ASCC3: variants seen among roughly 807,000 people sequenced by gnomAD.
The protein encoded by ASCC3 is ASC-1 complex subunit P200.
A neutral mutation model predicts 256.3 loss-of-function variants in ASCC3; 158 were observed. The observed-to-expected ratio is 0.62, with a 90% CI of 0.54 to 0.70. The LOEUF (loss-of-function observed/expected upper bound fraction) is 0.70. ASCC3 is among the 30% of genes least tolerant of loss of function. ASCC3 has a pLI of 0.00. For missense variants in ASCC3, 2,259 were observed against 2,626.0 expected, an observed-to-expected ratio of 0.86 and a Z score of 3.05; for synonymous variants, 948 against 883.4, an observed-to-expected ratio of 1.07 and a Z score of -1.30.
chr6:100,644,170 C>G (rs2114896937), intron 22 of ASCC3, 41 bp from the exon 23 acceptor site: 3 of 1,318,912 alleles, frequency 2.3e-6, no homozygotes, highest in Non-Finnish European at 3.3e-6. Flanking sequence ...CATATCATAA[C>G]TCAAATAAGG....
At chr6:100,706,256 A>G (rs931050596) in intron 13 of ASCC3, among the ~76,000 whole-genome samples, 4 of 151,524 alleles carry the variant, frequency 2.6e-5, no homozygotes, top group Admixed American at 2.0e-4. Flanking sequence ...CAAATCACCT[A>G]CTTAAAGTTA....
At chr6:100,537,444 T>TG (rs1775214686) in intron 37 of ASCC3, among the ~76,000 whole-genome samples, 1 of 152,114 alleles carries the variant, frequency 6.6e-6, no homozygotes, top group South Asian at 2.1e-4. Context: ...AATTGGATCA[T>TG]GGTACAGAGA....
At position 100,638,772 on chromosome 6, in the gene ASCC3, T is replaced by A. The variant is rs771886079; in HGVS notation, c.3951A>T (p.Ala1317=). ...PLPITALGCK[A]YEALYNFSHF... is the part of the protein sequence containing the mutation. ...GGCTGAAGTTGTACAGGGCTTCATA[T>A]GCTTTACATCCCAAAGCTGTGATTG... Residue 1317 remains alanine, a synonymous_variant, in exon 25 of 42, where the codon GCA becomes GCT. Coordinates refer to ENST00000369162, the MANE Select transcript of ASCC3 (RefSeq NM_006828.4). 1 of 1,614,162 alleles carries A rather than the reference T, an allele frequency of 6.2e-7. No individual in the cohort carries two copies. The highest frequency in any genetic ancestry group is 8.5e-7 in the Non-Finnish European group (1 of 1,179,996).
chr6:100,667,719 T>C (rs1185013683), intron 14 of ASCC3, among the ~76,000 whole-genome samples: 6 of 152,082 alleles, frequency 3.9e-5, no homozygotes, highest in Non-Finnish European at 7.4e-5. Context: ...GAATATACGA[T>C]AAGGTAAACA....
intron 13 of ASCC3, among the ~76,000 whole-genome samples, chr6:100,686,410 A>G (rs1265710495): frequency 1.3e-5 from 2 of 152,134 alleles, no homozygotes; most frequent in Non-Finnish European, 2.9e-5. Context: ...GTGTCCTTTG[A>G]GAGTTTATGC....
At chr6:100,694,759 A>C (rs1778004695) in intron 13 of ASCC3, among the ~76,000 whole-genome samples, 1 of 152,180 alleles carries the variant, frequency 6.6e-6, no homozygotes, top group Non-Finnish European at 1.5e-5. Context: ...TCCACAGAGT[A>C]AATTATAAAA....
chr6:100,654,621 ATGTT>A (rs1775828323), intron 17 of ASCC3, among the ~76,000 whole-genome samples: 1 of 152,102 alleles, frequency 6.6e-6, no homozygotes, highest in South Asian at 2.1e-4. Context: ...ATGCAGTTAT[ATGTT>A]ATAACAGAGC....
chr6:100,534,621 T>C (rs933789213), intron 37 of ASCC3, among the ~76,000 whole-genome samples: 2 of 152,202 alleles, frequency 1.3e-5, no homozygotes, highest in African/African-American at 2.4e-5. Flanking sequence ...GAGATATGCA[T>C]AGTAATTTTG....
At chr6:100,717,491 T>C (rs1018778240) in intron 12 of ASCC3, among the ~76,000 whole-genome samples, 1 of 152,006 alleles carries the variant, frequency 6.6e-6, no homozygotes, top group Non-Finnish European at 1.5e-5. Context: ...AAGCCTATCA[T>C]AAGTACTCTA....
At chr6:100,778,288 A>G (rs2114253193) in intron 8 of ASCC3, among the ~76,000 whole-genome samples, 1 of 152,254 alleles carries the variant, frequency 6.6e-6, no homozygotes, top group Admixed American at 6.5e-5. Flanking sequence ...AAGTCATGGA[A>G]AGGTCAAGGA....
At chr6:100,630,937 TTGA>T (rs1236895607) in intron 26 of ASCC3, among the ~76,000 whole-genome samples, 188 bp downstream of exon 26, 4 of 152,112 alleles carry the variant, frequency 2.6e-5, no homozygotes, top group African/African-American at 9.7e-5. Flanking sequence ...AATGGGAATA[TTGA>T]TATCATTTTA....
At chr6:100,848,973 G>A (rs1224551055) in intron 3 of ASCC3, among the ~76,000 whole-genome samples, 2 of 152,068 alleles carry the variant, frequency 1.3e-5, no homozygotes, top group Non-Finnish European at 2.9e-5. Context: ...AGGTATGGTG[G>A]TGTGCACCTG....
intron 36 of ASCC3, among the ~76,000 whole-genome samples, chr6:100,555,126 T>TAA (rs11454168): frequency 2.7e-5 from 4 of 148,224 alleles, no homozygotes; most frequent in South Asian, 2.1e-4. Context: ...TTGAAAAAAG[T>TAA]AAAAAAAAAA....
At chr6:100,681,725 CAAAAAAA>C (rs10696130) in intron 13 of ASCC3, among the ~76,000 whole-genome samples, 50 of 58,660 alleles carry the variant, frequency 8.5e-4, no homozygotes, top group Middle Eastern at 0.017. Context: ...GACTCCGTCT[CAAAAAAA>C]AAAAAAAAAA....
intron 13 of ASCC3, 189 bp downstream of exon 13, chr6:100,715,273 A>AATAT: frequency 1.8e-6 from 1 of 560,646 alleles, no homozygotes; most frequent in Non-Finnish European, 3.1e-6. Flanking sequence ...CTGGGATGAT[A>AATAT]ATATCTATGA....
At chr6:100,709,684 G>A (rs1450324417) in intron 13 of ASCC3, among the ~76,000 whole-genome samples, 2 of 151,924 alleles carry the variant, frequency 1.3e-5, no homozygotes, top group Non-Finnish European at 2.9e-5. Context: ...TATTCATTAA[G>A]AAAAAGTGAA....
chr6:100,800,955 C>T (rs2114346737), intron 5 of ASCC3, among the ~76,000 whole-genome samples: 1 of 152,004 alleles, frequency 6.6e-6, no homozygotes, highest in Non-Finnish European at 1.5e-5. Flanking sequence ...TTAAGTTGCA[C>T]ATATGTTACT....
chr6:100,859,684 A>G (rs925211398), intron 3 of ASCC3, among the ~76,000 whole-genome samples: 2 of 152,060 alleles, frequency 1.3e-5, no homozygotes, highest in Admixed American at 1.3e-4. Context: ...ATACTTTGTA[A>G]GCCACTCCTG....
intron 18 of ASCC3, 59 bp downstream of exon 18, chr6:100,652,666 T>C (rs1775727642): frequency 6.7e-7 from 1 of 1,502,922 alleles, no homozygotes; most frequent in Non-Finnish European, 9.2e-7. Flanking sequence ...TAATAATATA[T>C]TTTGAAGTCT....
Sources: allele counts gnomAD v4.1 joint callset (sites outside exome capture counted in the v4.1 genomes callset), GRCh38; gene constraint gnomAD v4.1.1; transcripts MANE v1.5; gene names NCBI Gene and HGNC (gene_info 2026-07-23, HGNC 2026-07-21).